Variants in DMTN observed in about 807,000 individuals in gnomAD.
The protein encoded by DMTN is dematin.
In DMTN, 27 loss-of-function variants were observed where a neutral mutation model predicts 59.4. The observed-to-expected ratio is 0.45, with a 90% CI of 0.33 to 0.63. DMTN has a LOEUF of 0.63. Among genes scored for constraint, DMTN ranks in the 20% least tolerant of loss-of-function variants. DMTN has a pLI of 0.02. For missense variants in DMTN, 451 were observed against 528.9 expected, an observed-to-expected ratio of 0.85 and a Z score of 1.45; for synonymous variants, 221 against 203.7, an observed-to-expected ratio of 1.08 and a Z score of -0.72.
upstream of DMTN, among the ~76,000 whole-genome samples, chr8:22,050,821 C>T (rs1265026497): frequency 6.6e-6 from 1 of 152,158 alleles, no homozygotes; most frequent in African/African-American, 2.4e-5. Flanking sequence ...TTCTCCTCAC[C>T]ACACCTCTCG....
chr8:22,076,412 C>G (rs1819816408), intron 10 of DMTN, among the ~76,000 whole-genome samples: 3 of 152,060 alleles, frequency 2.0e-5, no homozygotes, highest in Middle Eastern at 3.4e-3. Flanking sequence ...CAAGATCAGT[C>G]TGGGCAACGT....
At chr8:22,072,216 G>C (rs1464413830) in intron 8 of DMTN, 110 bp from the exon 9 acceptor site, 7 of 1,355,036 alleles carry the variant, frequency 5.2e-6, no homozygotes, top group East Asian at 5.8e-5. Context: ...AAATTTTGTA[G>C]TGGCCTTATC....
upstream of DMTN, among the ~76,000 whole-genome samples, chr8:22,054,327 G>A (rs58023608): frequency 0.082 from 12,445 of 151,838 alleles, 1,745 homozygotes; most frequent in African/African-American, 0.28. Context: ...GCATGGTGGG[G>A]GACAGTGGGA....
chr8:22,070,428 C>G, intron 8 of DMTN, 94 bp downstream of exon 8: 1 of 1,450,384 alleles, frequency 6.9e-7, no homozygotes, highest in Admixed American at 2.7e-5. Flanking sequence ...CCACTCCCAC[C>G]CCTGCCCTAT....
At chr8:22,079,558 CCAGGAGTTCAGGTTCAGCCT>C (rs1244406418) in intron 10 of DMTN, among the ~76,000 whole-genome samples, 1 of 151,976 alleles carries the variant, frequency 6.6e-6, no homozygotes, top group East Asian at 1.9e-4. Flanking sequence ...TCACTTAAGT[CCAGGAGTTCAGGTTCAGCCT>C]GGGCAACATA....
chr8:22,049,569 A>ACCCCC (rs56893612), upstream of DMTN, among the ~76,000 whole-genome samples: 1 of 126,564 alleles, frequency 7.9e-6, no homozygotes. Context: ...CGCAGGGACA[A>ACCCCC]CCCCCCCCCC....
At chr8:22,068,593 A>C (rs1252460340) in intron 4 of DMTN, among the ~76,000 whole-genome samples, 1 of 152,002 alleles carries the variant, frequency 6.6e-6, no homozygotes, top group Non-Finnish European at 1.5e-5. Flanking sequence ...GATAGAGGAG[A>C]AAGAATAAGA....
chr8:22,060,909 C>T lies in DMTN; in HGVS notation c.-172+3773C>T, dbSNP rs1805861548. The stretch of plus-strand genomic sequence containing the variant: ...ACTACTTAACTTGTTCAAGTCTCAA[C>T]TTCTTCATGTGCAAACGAGGTACTC... On this transcript the variant is annotated intron_variant, in intron 1 of 15. Transcript: ENST00000358242. The surrounding 1 kb of genome is among the most constrained non-coding windows in gnomAD (Gnocchi z 5.0). Among the ~76,000 whole-genome samples, 1 of 152,232 alleles carries T rather than the reference C, an allele frequency of 6.6e-6. No homozygotes were observed. The highest frequency in any genetic ancestry group is 2.4e-5 in the African/African-American group (1 of 41,448).
chr8:22,052,013 T>A (rs1041744299), upstream of DMTN, among the ~76,000 whole-genome samples: 2 of 152,198 alleles, frequency 1.3e-5, no homozygotes, highest in African/African-American at 4.8e-5. Flanking sequence ...AGCAAGCATG[T>A]CCCCATTCTC....
chr8:22,066,939 G>A, intron 2 of DMTN, 46 bp downstream of exon 2: 2 of 1,235,102 alleles, frequency 1.6e-6, no homozygotes, highest in East Asian at 3.3e-5. Flanking sequence ...GCGGGTGGGG[G>A]CCGCTTGGGA....
chr8:22,053,191 G>A (rs1270716133), upstream of DMTN, among the ~76,000 whole-genome samples: 2 of 152,154 alleles, frequency 1.3e-5, no homozygotes, highest in Non-Finnish European at 2.9e-5. Context: ...AGAAGTGGCA[G>A]GAAGTGATTG....
upstream of DMTN, among the ~76,000 whole-genome samples, chr8:22,056,363 C>G (rs944803917): frequency 2.0e-5 from 3 of 152,172 alleles, no homozygotes; most frequent in Non-Finnish European, 4.4e-5. Flanking sequence ...TGCACCCCCA[C>G]CTCAAGAGGC....
chr8:22,076,525 C>T lies in DMTN; in HGVS notation c.835+2690C>T, dbSNP rs529510980. Among the ~76,000 whole-genome samples the T allele has an allele frequency of 9.9e-5, 15 of 151,852 alleles. 1 individual carries two copies. The South Asian group carries it at 1.9e-3, about 19-fold the overall frequency. On this transcript the variant is annotated intron_variant, in intron 10 of 15. Coordinates refer to ENST00000358242, the MANE Select transcript of DMTN (RefSeq NM_001387751.1). ...GTGGCTAAGATGGGAGCTATGATTG[C>T]GCCACTGCAGTCTAACCTGGGTGAC...
intron 10 of DMTN, among the ~76,000 whole-genome samples, chr8:22,079,255 A>AAT (rs1563537790): frequency 3.6e-5 from 3 of 83,458 alleles, no homozygotes; most frequent in Non-Finnish European, 6.9e-5. Context: ...ACAAAAAATA[A>AAT]AAATAAATAA....
intron 7 of DMTN, 52 bp from the exon 8 acceptor site, chr8:22,070,130 C>G: frequency 6.4e-7 from 1 of 1,556,638 alleles, no homozygotes; most frequent in South Asian, 1.2e-5. Flanking sequence ...TGAAGGTAGC[C>G]AAGTTGGCCT....
At chr8:22,069,294 C>T in intron 5 of DMTN, 125 bp from the exon 6 acceptor site, 2 of 936,488 alleles carry the variant, frequency 2.1e-6, no homozygotes, top group Non-Finnish European at 3.2e-6. Flanking sequence ...CACAACATTG[C>T]CCTGGGTTTG....
At chr8:22,063,314 T>A (rs1808012609) in intron 1 of DMTN, among the ~76,000 whole-genome samples, 1 of 152,240 alleles carries the variant, frequency 6.6e-6, no homozygotes, top group South Asian at 2.1e-4. Context: ...AGTGCCCTGC[T>A]GAACTACTGC....
intron 1 of DMTN, among the ~76,000 whole-genome samples, chr8:22,064,135 TGGATGGATGGATAGAA>T (rs1426668222): frequency 1.3e-5 from 2 of 151,846 alleles, no homozygotes; most frequent in South Asian, 2.1e-4. Flanking sequence ...GATGCAGGAA[TGGATGGATGGATAGAA>T]GGATGGATGG....
intron 10 of DMTN, among the ~76,000 whole-genome samples, chr8:22,074,912 G>A (rs1252409204): frequency 5.9e-5 from 9 of 152,080 alleles, no homozygotes; most frequent in African/African-American, 1.7e-4. Flanking sequence ...GAGGGGTCCC[G>A]GCATGGTGGC....
Sources: allele counts gnomAD v4.1 joint callset (sites outside exome capture counted in the v4.1 genomes callset), GRCh38; gene constraint gnomAD v4.1.1; non-coding constraint Gnocchi (gnomAD v3.1); transcripts MANE v1.5; gene names NCBI Gene and HGNC (gene_info 2026-07-23, HGNC 2026-07-21).